Variants in WNK3 observed in about 807,000 individuals in gnomAD.
WNK3 encodes the protein WNK lysine deficient protein kinase 3.
A neutral mutation model predicts 116.7 loss-of-function variants in WNK3; 18 were observed. That is an observed-to-expected ratio of 0.15 (90% CI 0.11 to 0.23). WNK3 has a LOEUF of 0.23. Ranked by LOEUF, WNK3 falls within the 10% of genes least tolerant of loss-of-function variation. WNK3 has a pLI of 1.00. For synonymous variants in WNK3, 404 were observed against 469.4 expected, an observed-to-expected ratio of 0.86 and a Z score of 1.80; for missense variants, 993 against 1,323.8, an observed-to-expected ratio of 0.75 and a Z score of 3.88.
intron 2 of WNK3, among the ~76,000 whole-genome samples, chrX:54,321,098 T>C (rs182673126): frequency 5.4e-5 from 6 of 110,262 alleles, no homozygotes. Flanking sequence ...AGTTTCGCCA[T>C]GTTGGCCAGG....
At chrX:54,231,044 G>C (rs1428429588) in intron 21 of WNK3, among the ~76,000 whole-genome samples, 1 of 112,556 alleles carries the variant, frequency 8.9e-6, no homozygotes, top group Non-Finnish European at 1.9e-5. Context: ...AGTTAAATAA[G>C]GACCTGAAAG....
intron 10 of WNK3, among the ~76,000 whole-genome samples, chrX:54,289,634 T>C (rs1455593364): frequency 6.3e-5 from 7 of 111,251 alleles, no homozygotes; most frequent in Non-Finnish European, 1.3e-4. Flanking sequence ...CAGTCTGGCT[T>C]TGTGGCATTG....
chrX:54,348,188 T>G, intron 1 of WNK3, among the ~76,000 whole-genome samples: 1 of 109,401 alleles, frequency 9.1e-6, no homozygotes, highest in East Asian at 2.8e-4. Flanking sequence ...CAAAGGAAAT[T>G]TTTTTTTTAA....
intron 11 of WNK3, among the ~76,000 whole-genome samples, chrX:54,258,115 T>C (rs1446458899): frequency 9.3e-6 from 1 of 106,971 alleles, no homozygotes; most frequent in Non-Finnish European, 1.9e-5. Flanking sequence ...CTGTCTCTAC[T>C]AAAAATACAA....
intron 11 of WNK3, among the ~76,000 whole-genome samples, chrX:54,256,757 T>A (rs2068196663): frequency 8.9e-6 from 1 of 112,606 alleles, no homozygotes; most frequent in South Asian, 3.7e-4. Flanking sequence ...TTTATGTCCA[T>A]ATGACGTATG....
At chrX:54,344,071 T>C (rs1352311890) in intron 1 of WNK3, among the ~76,000 whole-genome samples, 8 of 112,289 alleles carry the variant, frequency 7.1e-5, no homozygotes, top group African/African-American at 2.6e-4. Flanking sequence ...GGCTTCAATA[T>C]AAAAATATAA....
chrX:54,222,939 T>TATAA (rs1456382104), intron 22 of WNK3, among the ~76,000 whole-genome samples: 1 of 89,727 alleles, frequency 1.1e-5, no homozygotes, highest in Non-Finnish European at 2.1e-5. Flanking sequence ...TATATATATA[T>TATAA]AAAAAAAGAC....
At chrX:54,212,142 C>T (rs782271350) in intron 22 of WNK3, among the ~76,000 whole-genome samples, 5 of 111,713 alleles carry the variant, frequency 4.5e-5, no homozygotes, top group African/African-American at 1.3e-4. Context: ...AGGAGAATGT[C>T]GTGAAACCGG....
At chrX:54,207,998 T>C (rs782473201) in intron 22 of WNK3, among the ~76,000 whole-genome samples, 2 of 111,118 alleles carry the variant, frequency 1.8e-5, no homozygotes, top group Non-Finnish European at 3.8e-5. Context: ...CTCTCACCTA[T>C]TAACTGAGAT....
chrX:54,249,275 T>G (rs1557153484), exon 17 of WNK3: 2 of 1,211,960 alleles, frequency 1.7e-6, no homozygotes, highest in South Asian at 3.5e-5. Flanking sequence ...GAAGTCTGAG[T>G]TGATTCGCCA....
chrX:54,358,834 A>G (rs1297624663), upstream of WNK3, among the ~76,000 whole-genome samples: 1 of 112,945 alleles, frequency 8.9e-6, no homozygotes, highest in East Asian at 2.8e-4. Context: ...TCCCACCCTC[A>G]GTTTTACTTA....
At chrX:54,252,058 T>A (rs1603382250) in intron 13 of WNK3, among the ~76,000 whole-genome samples, 2 of 77,215 alleles carry the variant, frequency 2.6e-5, no homozygotes, top group African/African-American at 5.1e-5. Context: ...AGAGCAAAAC[T>A]CTGTCTCAAA....
intron 22 of WNK3, among the ~76,000 whole-genome samples, chrX:54,209,076 C>G: frequency 9.0e-6 from 1 of 111,428 alleles, no homozygotes; most frequent in Non-Finnish European, 1.9e-5. Context: ...GCAAACTGAA[C>G]TATTTACCGG....
intron 22 of WNK3, 84 bp from the exon 23 acceptor site, chrX:54,202,277 A>G (rs782049891): frequency 6.7e-6 from 6 of 894,937 alleles, no homozygotes; most frequent in Non-Finnish European, 9.3e-6. Flanking sequence ...CCAACAAAGC[A>G]GTTAACAGAG....
chrX:54,261,076 A>C (rs1285186404), intron 10 of WNK3, among the ~76,000 whole-genome samples: 3 of 109,715 alleles, frequency 2.7e-5, no homozygotes, highest in Non-Finnish European at 5.7e-5. Context: ...TTATCTGTGG[A>C]TTCCACATGC....
chrX:54,257,486 T>A (rs1321154038), intron 11 of WNK3, among the ~76,000 whole-genome samples: 4 of 111,104 alleles, frequency 3.6e-5, no homozygotes, highest in African/African-American at 1.3e-4. Flanking sequence ...CAAGGGCGAC[T>A]GCTTGCTAAC....
At chrX:54,307,456 C>T (rs1757347996) in intron 5 of WNK3, among the ~76,000 whole-genome samples, 1 of 110,817 alleles carries the variant, frequency 9.0e-6, no homozygotes, top group Admixed American at 9.8e-5. Flanking sequence ...GAAATGTAAG[C>T]TCTTTAGGGT....
intron 5 of WNK3, among the ~76,000 whole-genome samples, chrX:54,303,563 G>A (rs1385187223): frequency 9.0e-6 from 1 of 110,817 alleles, no homozygotes; most frequent in Non-Finnish European, 1.9e-5. Flanking sequence ...GCATTACATC[G>A]TAGACAAATA....
At chrX:54,272,546 G>T (rs2068395898) in intron 10 of WNK3, among the ~76,000 whole-genome samples, 2 of 111,951 alleles carry the variant, frequency 1.8e-5, no homozygotes, top group Non-Finnish European at 3.8e-5. Flanking sequence ...TAATAAAATG[G>T]TCATTACCAG....
Sources: allele counts gnomAD v4.1 joint callset (sites outside exome capture counted in the v4.1 genomes callset), GRCh38; gene constraint gnomAD v4.1.1; transcripts MANE v1.5; gene names NCBI Gene and HGNC (gene_info 2026-07-23, HGNC 2026-07-21).